RNF8: variants seen among roughly 807,000 people sequenced by gnomAD.
RNF8 encodes E3 ubiquitin-protein ligase RNF8.
A neutral mutation model predicts 59.3 loss-of-function variants in RNF8; 8 were observed. That is an observed-to-expected ratio of 0.13 (90% CI 0.08 to 0.24). The LOEUF is 0.24. RNF8 is among the 10% of genes least tolerant of loss of function. RNF8 has a pLI of 1.00. For missense variants in RNF8, 406 were observed against 572.6 expected (o/e 0.71, Z 2.97); for synonymous variants, 162 against 200.0 (o/e 0.81, Z 1.60).
intron 2 of RNF8, among the ~76,000 whole-genome samples, chr6:37,364,534 C>A (rs997700624): frequency 6.6e-6 from 1 of 152,178 alleles, no homozygotes. Context: ...ATACTTAATA[C>A]AATTGCTGAA....
chr6:37,363,905 C>G (rs984068054), intron 2 of RNF8, among the ~76,000 whole-genome samples: 6 of 152,080 alleles, frequency 3.9e-5, no homozygotes, highest in African/African-American at 1.4e-4. Flanking sequence ...GAAGGCTGGG[C>G]GCTGTGGCTC....
intron 4 of RNF8, among the ~76,000 whole-genome samples, chr6:37,372,699 GT>G (rs1012839096): frequency 5.3e-5 from 8 of 152,358 alleles, no homozygotes; most frequent in African/African-American, 1.9e-4. Context: ...ACCGGGCACG[GT>G]GGCTCACGCC....
chr6:37,363,223 T>C (rs757525452), intron 2 of RNF8, among the ~76,000 whole-genome samples: 20 of 152,332 alleles, frequency 1.3e-4, no homozygotes, highest in Non-Finnish European at 2.6e-4. Context: ...CAGCTTCTGG[T>C]CCTCCAGCAA....
At chr6:37,385,256 G>A (rs1285559604) in intron 7 of RNF8, among the ~76,000 whole-genome samples, 3 of 151,138 alleles carry the variant, frequency 2.0e-5, no homozygotes, top group East Asian at 4.0e-4. Context: ...CAGGTGATCC[G>A]CCCACCTCTG....
intron 2 of RNF8, among the ~76,000 whole-genome samples, chr6:37,367,139 T>TA (rs1308114123): frequency 1.3e-5 from 2 of 152,250 alleles, no homozygotes; most frequent in African/African-American, 4.8e-5. Flanking sequence ...AGTGAACACT[T>TA]ACGTAATACG....
chr6:37,367,553 A>G (rs145393893), intron 2 of RNF8, among the ~76,000 whole-genome samples: 3 of 152,062 alleles, frequency 2.0e-5, no homozygotes, highest in African/African-American at 7.2e-5. Flanking sequence ...ACAGGCACCC[A>G]CCACCACACC....
chr6:37,357,960 TAAAC>T (rs1255089268), intron 1 of RNF8, among the ~76,000 whole-genome samples: 2 of 152,128 alleles, frequency 1.3e-5, no homozygotes, highest in African/African-American at 2.4e-5. Flanking sequence ...AAAAGTAAAA[TAAAC>T]AAGATAATTT....
Position 37,371,585 on chromosome 6 carries a change from CATAGT to C in RNF8, c.1038+13_1038+17del, listed in dbSNP as rs767026283. 6.0e-5 allele frequency: 96 copies of C among 1,611,606 alleles called. 2 individuals are homozygous for C. In the South Asian group the frequency reaches 1.0e-3, roughly 17 times the overall value. On this transcript the variant is annotated intron_variant, in intron 4 of 7. Transcript: ENST00000373479. ...CAGGCTCTGCAGGAGGTAACTTTGC[CATAGT>C]ACTAAGATTATAGTGGGCTGTGGAG...
chr6:37,387,815 G>T (rs1180979311), intron 7 of RNF8, among the ~76,000 whole-genome samples: 1 of 152,218 alleles, frequency 6.6e-6, no homozygotes, highest in Non-Finnish European at 1.5e-5. Flanking sequence ...TCAAGGAAAG[G>T]CTTCCCTGAG....
chr6:37,374,855 C>T, intron 5 of RNF8, 146 bp downstream of exon 5: 2 of 615,954 alleles, frequency 3.2e-6, no homozygotes, highest in Non-Finnish European at 5.7e-6. Context: ...ATTATAGAGG[C>T]CTATAGCAGG....
intron 7 of RNF8, among the ~76,000 whole-genome samples, chr6:37,388,874 A>G (rs943828899): frequency 4.0e-5 from 6 of 151,096 alleles, no homozygotes; most frequent in Admixed American, 2.0e-4. Flanking sequence ...TTAAGTCTCC[A>G]GTAAGCTGTG....
At chr6:37,389,273 A>C (rs1770633178) in intron 7 of RNF8, among the ~76,000 whole-genome samples, 1 of 151,810 alleles carries the variant, frequency 6.6e-6, no homozygotes. Context: ...TTGCCCATTG[A>C]GTATGCAGGC....
Position 37,360,711 on chromosome 6 carries a change from A to T in RNF8, c.240+137A>T. The T allele has an allele frequency of 3.7e-6, 3 of 812,052 alleles. No homozygotes were observed. The highest frequency in any genetic ancestry group is 2.0e-5 in the South Asian group (1 of 49,892). 50.3% of individuals were successfully genotyped at this position (812,052 alleles called of 1,614,324 possible). A position where few individuals can be genotyped will look rare whatever the true frequency, so the allele number is the denominator to read the frequency against. On this transcript the variant is annotated intron_variant, in intron 2 of 7. Transcript: ENST00000373479. This position sits in a 1 kb window ranked among gnomAD's most constrained non-coding sequence, Gnocchi z 4.2. Reference sequence around the variant, plus strand: ...CTAGCCATCCAGTTCCCTTTTCCAGAGGCAGCCACTTCCATATGCTGCCAG... The same window carrying T: ...CTAGCCATCCAGTTCCCTTTTCCAGTGGCAGCCACTTCCATATGCTGCCAG...
chr6:37,373,538 C>G (rs1423836955), intron 4 of RNF8, among the ~76,000 whole-genome samples: 1 of 152,174 alleles, frequency 6.6e-6, no homozygotes, highest in East Asian at 1.9e-4. Flanking sequence ...TCCTGAGTAG[C>G]TGGAACCATA....
At chr6:37,384,828 T>C (rs1054874803) in intron 7 of RNF8, among the ~76,000 whole-genome samples, 48 of 152,294 alleles carry the variant, frequency 3.2e-4, no homozygotes, top group African/African-American at 1.0e-3. Flanking sequence ...AGAATACTTA[T>C]TAGCAGGTAG....
chr6:37,354,418 G>T (rs1769032585), intron 1 of RNF8, 143 bp downstream of exon 1: 2 of 689,242 alleles, frequency 2.9e-6, no homozygotes, highest in East Asian at 2.8e-5. Flanking sequence ...GTCTGTGGGG[G>T]GGGTGGATTC....
At chr6:37,357,496 T>C (rs1769166099) in intron 1 of RNF8, among the ~76,000 whole-genome samples, 1 of 152,238 alleles carries the variant, frequency 6.6e-6, no homozygotes, top group Non-Finnish European at 1.5e-5. Context: ...GCATGTAATA[T>C]GAGATGCTTC....
chr6:37,371,522 T>C lies in RNF8; in HGVS notation c.986T>C (p.Ile329Thr). ...EEEQHLQGLE[I>T]AQGEKDLKQQ... ...GTTTTGGCTTTGCAGGGTTTGGAGATAGCCCAAGGAGAAAAGGACCTGAAG... is the reference window on the plus strand; with the variant it reads ...GTTTTGGCTTTGCAGGGTTTGGAGACAGCCCAAGGAGAAAAGGACCTGAAG... Residue 329 changes from isoleucine to threonine, a missense_variant, in exon 4 of 8, where the codon ATA (isoleucine) becomes ACA (threonine). Ile to Thr is a moderately conservative substitution (Grantham distance 89). Transcript: ENST00000373479. 6.2e-7 allele frequency: 1 copy of C among 1,613,982 alleles called. No individual in the cohort carries two copies. The highest frequency in any genetic ancestry group is 2.2e-5 in the East Asian group (1 of 44,880).
At chr6:37,361,658 G>T in intron 2 of RNF8, 1 of 304,798 alleles carries the variant, frequency 3.3e-6, no homozygotes, top group Non-Finnish European at 6.4e-6. Context: ...GGATTTTAAA[G>T]GTACCATTAG....
Sources: allele counts gnomAD v4.1 joint callset (sites outside exome capture counted in the v4.1 genomes callset), GRCh38; gene constraint gnomAD v4.1.1; non-coding constraint Gnocchi (gnomAD v3.1); transcripts MANE v1.5; gene names NCBI Gene and HGNC (gene_info 2026-07-23, HGNC 2026-07-21).